The following AMDHD1 variants were observed in gnomAD, a reference collection of about 807,000 sequenced individuals.
AMDHD1 encodes probable imidazolonepropionase.
AMDHD1 carries 45 observed loss-of-function variants against 44.1 expected under a neutral mutation model. The ratio of observed to expected loss-of-function variants is 1.02; its 90% CI spans 0.80 to 1.31. The LOEUF is 1.31. Ranked by LOEUF, AMDHD1 falls within the 50% of genes most tolerant of loss-of-function variation. The probability of loss-of-function intolerance (pLI) is 0.00; values close to 1 mark genes in which losing one functional copy is unlikely to be tolerated. For synonymous variants in AMDHD1, 206 were observed against 205.0 expected (o/e 1.00, Z -0.04); for missense variants, 586 against 552.1 (o/e 1.06, Z -0.61).
chr12:95,968,383 G>T lies in AMDHD1; in HGVS notation c.*540G>T, dbSNP rs1223917142. 1 of 152,954 alleles carries T rather than the reference G, an allele frequency of 6.5e-6. No homozygotes were observed. The highest frequency in any genetic ancestry group is 1.5e-5 in the Non-Finnish European group (1 of 68,712). The allele number at this position is 152,954 out of a possible 1,614,324, so 9.5% of individuals were successfully genotyped here. On this transcript the variant is annotated 3_prime_UTR_variant, in exon 9 of 9. Transcript: ENST00000266736. ...ATGAAGAGTGTCCTTCCGTTTCTAAGGTCTTCTCAATCTCAGCAATAGAGC... is the reference window on the plus strand; with the variant it reads ...ATGAAGAGTGTCCTTCCGTTTCTAATGTCTTCTCAATCTCAGCAATAGAGC...
chr12:95,950,112 T>C (rs562550912), intron 1 of AMDHD1, among the ~76,000 whole-genome samples: 28 of 152,334 alleles, frequency 1.8e-4, no homozygotes, highest in African/African-American at 6.5e-4. Flanking sequence ...TCTTTGTTCT[T>C]TCCCATTCAA....
chr12:95,965,760 A>G lies in AMDHD1; in HGVS notation c.1013A>G (p.Asn338Ser), dbSNP rs944659579. 5 of 1,611,440 alleles carry G rather than the reference A, an allele frequency of 3.1e-6. No individual in the cohort carries two copies. Among genetic ancestry groups the G allele is most frequent in the East Asian group, 2.2e-5 (1 of 44,766 alleles). Residue 338 changes from asparagine to serine, a missense_variant, in exon 7 of 9, where the codon AAT (asparagine) becomes AGT (serine). Physicochemically the swap from Asn to Ser is conservative, Grantham distance 46. Coordinates refer to ENST00000266736, the MANE Select transcript of AMDHD1 (RefSeq NM_152435.3). ...GCTCTGGGAAGTGATTTCAACCCCA[A>G]TGCATATTGCTTTTCAATGGTAATT... Reference protein sequence around the residue: ...IVALGSDFNPNAYCFSMPMVM... With the variant: ...IVALGSDFNPSAYCFSMPMVM...
At chr12:95,964,003 TG>T (rs1400051328) in intron 6 of AMDHD1, among the ~76,000 whole-genome samples, 1 of 141,416 alleles carries the variant, frequency 7.1e-6, no homozygotes, top group African/African-American at 2.7e-5. Context: ...CACTTCAGCC[TG>T]GGCAACAGAG....
At chr12:95,965,005 A>ATAGCATAT (rs2080602409) in intron 6 of AMDHD1, among the ~76,000 whole-genome samples, 1 of 151,436 alleles carries the variant, frequency 6.6e-6, no homozygotes, top group African/African-American at 2.4e-5. Context: ...ACTAATAAAA[A>ATAGCATAT]TAGCATATTG....
chr12:95,959,790 CTTTTTTTTT>C (rs63130861), intron 4 of AMDHD1, among the ~76,000 whole-genome samples: 5 of 67,360 alleles, frequency 7.4e-5, no homozygotes, highest in Non-Finnish European at 1.3e-4. Flanking sequence ...GAAGATTATG[CTTTTTTTTT>C]TTTTTTTTTT....
Position 95,952,813 on chromosome 12 carries a change from T to C in AMDHD1, c.234T>C (p.Cys78=), listed in dbSNP as rs896480191. ...FEEIIDCSGK[C]ILPGLVDAHT... ...AAATAATTGACTGCTCTGGGAAATGTATTCTACCAGGTATTTACCTCTTTT... is the reference window on the plus strand; with the variant it reads ...AAATAATTGACTGCTCTGGGAAATGCATTCTACCAGGTATTTACCTCTTTT... The change falls in exon 2 of 9, where the codon TGT becomes TGC. Residue 78 remains cysteine, a synonymous_variant. Coordinates refer to ENST00000266736, the MANE Select transcript of AMDHD1 (RefSeq NM_152435.3). 4 of 1,601,922 alleles carry C rather than the reference T, an allele frequency of 2.5e-6. No homozygotes were observed. Among genetic ancestry groups the C allele is most frequent in the Non-Finnish European group, 3.4e-6 (4 of 1,169,374 alleles).
rs372527846 is a variant in AMDHD1, at chr12:95,962,400, G to A, written c.859G>A (p.Val287Met). The change falls in exon 6 of 9, where the codon GTG (valine) becomes ATG (methionine). Residue 287 changes from valine to methionine, a missense_variant. Coordinates refer to ENST00000266736, the MANE Select transcript of AMDHD1 (RefSeq NM_152435.3). ...GAQAISHLEEVSDEGIVAMAT... is the reference protein window; with the variant it reads ...GAQAISHLEEMSDEGIVAMAT... ...GCAGGCAATCAGCCACCTGGAAGAA[G>A]TGAGTGATGAAGGCATCGTTGCCAT... 6.2e-6 allele frequency: 10 copies of A among 1,613,952 alleles called. No individual in the cohort carries two copies. Among genetic ancestry groups the A allele is most frequent in the Middle Eastern group, 1.7e-4 (1 of 6,060 alleles).
chr12:95,946,426 G>A (rs972561718), intron 1 of AMDHD1, among the ~76,000 whole-genome samples: 28 of 152,144 alleles, frequency 1.8e-4, no homozygotes, highest in African/African-American at 3.1e-4. Context: ...TGTGCTCAGC[G>A]TAGAGGATGC....
chr12:95,964,773 T>A (rs2080600454), intron 6 of AMDHD1, among the ~76,000 whole-genome samples: 1 of 152,012 alleles, frequency 6.6e-6, no homozygotes, highest in African/African-American at 2.4e-5. Flanking sequence ...CTTTGTTTAT[T>A]TTTGATGTAA....
chr12:95,966,322 C>G, intron 7 of AMDHD1, 26 bp from the exon 8 acceptor site: 10 of 1,611,634 alleles, frequency 6.2e-6, no homozygotes, highest in Non-Finnish European at 7.6e-6. Context: ...TCACTTTCCT[C>G]CAACACTTTT....
intron 1 of AMDHD1, among the ~76,000 whole-genome samples, chr12:95,943,973 T>C (rs1198369303): frequency 6.6e-6 from 1 of 152,150 alleles, no homozygotes; most frequent in Non-Finnish European, 1.5e-5. Flanking sequence ...TTCTGAGACC[T>C]GAATTTTTCA....
At chr12:95,954,669 A>G (rs2080541485) in intron 2 of AMDHD1, among the ~76,000 whole-genome samples, 1 of 152,188 alleles carries the variant, frequency 6.6e-6, no homozygotes, top group Non-Finnish European at 1.5e-5. Context: ...TGTAAGGGAT[A>G]TTTTCATCAT....
Position 95,962,359 on chromosome 12 carries a change from G to T in AMDHD1, c.818G>T (p.Gly273Val). 1.2e-6 allele frequency: 2 copies of T among 1,613,238 alleles called. No homozygotes were observed. The highest frequency in any genetic ancestry group is 1.7e-6 in the Non-Finnish European group (2 of 1,179,548). The change falls in exon 6 of 9, where the codon GGG (glycine) becomes GTG (valine). Residue 273 changes from glycine to valine, a missense_variant. Coordinates refer to ENST00000266736, the MANE Select transcript of AMDHD1 (RefSeq NM_152435.3). ...ELHPMKAAELGAELGAQAISH... is the reference protein window; with the variant it reads ...ELHPMKAAELVAELGAQAISH... The stretch of plus-strand genomic sequence containing the variant: ...CTCTCTGCCCATTCTCCTTAGCTTG[G>T]GGCTGAACTGGGAGCGCAGGCAATC...
At chr12:95,950,586 A>G (rs959635631) in intron 1 of AMDHD1, among the ~76,000 whole-genome samples, 3 of 152,222 alleles carry the variant, frequency 2.0e-5, no homozygotes, top group African/African-American at 7.2e-5. Context: ...AGACATACGA[A>G]TGCAGGGCTA....
At chr12:95,961,234 C>T (rs913522786) in intron 5 of AMDHD1, among the ~76,000 whole-genome samples, 103 of 152,228 alleles carry the variant, frequency 6.8e-4, no homozygotes, top group African/African-American at 2.4e-3. Flanking sequence ...CACAAAGCCA[C>T]ACTAGCACAG....
intron 4 of AMDHD1, 105 bp from the exon 5 acceptor site, chr12:95,960,293 T>A (rs2080574222): frequency 7.6e-6 from 7 of 926,078 alleles, no homozygotes; most frequent in Non-Finnish European, 9.8e-6. Flanking sequence ...AGGCTTGAAG[T>A]CATTTACCTC....
intron 6 of AMDHD1, among the ~76,000 whole-genome samples, chr12:95,965,081 C>T (rs1481805265): frequency 6.6e-6 from 1 of 151,820 alleles, no homozygotes; most frequent in Non-Finnish European, 1.5e-5. Flanking sequence ...GGTGGATCAC[C>T]TGAGGTCAGG....
chr12:95,967,642 G>T (rs2080617937), intron 8 of AMDHD1, 114 bp from the exon 9 acceptor site: 1 of 777,842 alleles, frequency 1.3e-6, no homozygotes, highest in Non-Finnish European at 2.0e-6. Context: ...ACCATTGACT[G>T]GGTGTAAATA....
chr12:95,960,657 A>T (rs2080576781), intron 5 of AMDHD1, 34 bp downstream of exon 5: 2 of 1,589,972 alleles, frequency 1.3e-6, no homozygotes, highest in Non-Finnish European at 1.7e-6. Flanking sequence ...CCTCGTCAAC[A>T]TTCATTCTTG....
Sources: gnomAD v4.1 joint callset for allele counts (sites outside exome capture counted in the v4.1 genomes callset) on GRCh38, gnomAD v4.1.1 for gene constraint, MANE v1.5 for transcripts, NCBI Gene and HGNC (gene_info 2026-07-23, HGNC 2026-07-21) for gene names.